Variants in PPARD observed in about 807,000 individuals in gnomAD.
The protein encoded by PPARD is peroxisome proliferator-activated receptor delta.
In PPARD, 6 loss-of-function variants were observed where a neutral mutation model predicts 39.5. The ratio of observed to expected loss-of-function variants is 0.15; its 90% confidence interval spans 0.08 to 0.30. PPARD has a LOEUF of 0.30. Ranked by LOEUF, PPARD falls within the 10% of genes least tolerant of loss-of-function variation. The probability of loss-of-function intolerance (pLI) is 1.00; values close to 1 mark genes in which losing one functional copy is unlikely to be tolerated. For synonymous variants in PPARD, 210 were observed against 231.3 expected (o/e 0.91, Z 0.83); for missense variants, 397 against 596.8 (o/e 0.67, Z 3.49).
At chr6:35,392,104 T>C (rs937879718) in intron 2 of PPARD, among the ~76,000 whole-genome samples, 7 of 151,966 alleles carry the variant, frequency 4.6e-5, no homozygotes, top group Non-Finnish European at 2.9e-5. Context: ...CCTGGGCCAA[T>C]TTGGGGAACC....
intron 1 of PPARD, among the ~76,000 whole-genome samples, chr6:35,344,729 G>A (rs1389849429): frequency 1.3e-5 from 2 of 152,080 alleles, no homozygotes; most frequent in Non-Finnish European, 2.9e-5. Flanking sequence ...GCAACCTTTA[G>A]GAGCTGCGGT....
chr6:35,392,025 A>T (rs754408309), intron 2 of PPARD, among the ~76,000 whole-genome samples: 1 of 151,964 alleles, frequency 6.6e-6, no homozygotes, highest in African/African-American at 2.4e-5. Flanking sequence ...ACCAAGCCTT[A>T]TAGGCCCTGA....
chr6:35,370,096 G>A (rs899916068), intron 2 of PPARD, among the ~76,000 whole-genome samples: 2 of 152,160 alleles, frequency 1.3e-5, no homozygotes, highest in African/African-American at 2.4e-5. Context: ...GGGTTAATTT[G>A]TACAGGAAGT....
chr6:35,425,774 G>A lies in PPARD; in HGVS notation c.1079-58G>A. The A allele has an allele frequency of 6.3e-7, 1 of 1,591,178 alleles. No individual in the cohort carries two copies. Among genetic ancestry groups the A allele is most frequent in the South Asian group, 1.1e-5 (1 of 88,300 alleles). On this transcript the variant is annotated intron_variant, in intron 7 of 7. Coordinates refer to ENST00000360694, the MANE Select transcript of PPARD (RefSeq NM_006238.5). The surrounding 1 kb of genome is among the most constrained non-coding windows in gnomAD (Gnocchi z 4.5). ...CTGGGCCAAGTCACCTCTTGGGGTG[G>A]AAGTAGGGGAGCTCCACTGCCTTTC... is the stretch of plus-strand genomic sequence containing the variant.
At chr6:35,392,962 C>T (rs570314248) in intron 2 of PPARD, among the ~76,000 whole-genome samples, 3 of 152,292 alleles carry the variant, frequency 2.0e-5, no homozygotes, top group Non-Finnish European at 4.4e-5. Flanking sequence ...AATGGTGCTC[C>T]TTGTCAAGGT....
At chr6:35,362,193 G>C (rs1406613217) in intron 2 of PPARD, among the ~76,000 whole-genome samples, 2 of 151,820 alleles carry the variant, frequency 1.3e-5, no homozygotes, top group African/African-American at 4.8e-5. Flanking sequence ...ATTTAGTTTT[G>C]TGACTTGCCT....
At chr6:35,404,764 C>T (rs1033104230) in intron 2 of PPARD, among the ~76,000 whole-genome samples, 14 of 152,218 alleles carry the variant, frequency 9.2e-5, no homozygotes, top group Admixed American at 6.5e-5. Context: ...GACCAGGTCT[C>T]TCTAGAGCTC....
chr6:35,371,520 T>C (rs534547789), intron 2 of PPARD, among the ~76,000 whole-genome samples: 1 of 152,314 alleles, frequency 6.6e-6, no homozygotes, highest in South Asian at 2.1e-4. Flanking sequence ...CTCTGCTCTT[T>C]GCATATCCCC....
At chr6:35,380,962 C>T (rs1049322957) in intron 2 of PPARD, among the ~76,000 whole-genome samples, 6 of 152,170 alleles carry the variant, frequency 3.9e-5, no homozygotes, top group African/African-American at 1.4e-4. Flanking sequence ...CTCCTCTCTC[C>T]ACCGCTCCAT....
At chr6:35,408,381 G>A (rs1188839030) in intron 2 of PPARD, among the ~76,000 whole-genome samples, 1 of 152,204 alleles carries the variant, frequency 6.6e-6, no homozygotes, top group African/African-American at 2.4e-5. Flanking sequence ...GACTCAGAAG[G>A]AAGGAGAATG....
chr6:35,344,538 G>T (rs1387242260), intron 1 of PPARD, among the ~76,000 whole-genome samples: 1 of 152,028 alleles, frequency 6.6e-6, no homozygotes, highest in Non-Finnish European at 1.5e-5. Flanking sequence ...GTTCTCTAAA[G>T]AAGTATTCAA....
chr6:35,420,782 C>T (rs913788324), intron 4 of PPARD, among the ~76,000 whole-genome samples: 36 of 145,070 alleles, frequency 2.5e-4, no homozygotes, highest in Admixed American at 6.2e-4. Context: ...TCAAGTTAGC[C>T]GTGAGACAAT....
chr6:35,377,982 G>T (rs1762913575), intron 2 of PPARD, among the ~76,000 whole-genome samples: 1 of 151,266 alleles, frequency 6.6e-6, no homozygotes, highest in South Asian at 2.1e-4. Context: ...TCTTGCCTCA[G>T]CCTCCCACGT....
chr6:35,387,705 T>C (rs1357521105), intron 2 of PPARD, among the ~76,000 whole-genome samples: 1 of 148,694 alleles, frequency 6.7e-6, no homozygotes, highest in Admixed American at 6.7e-5. Flanking sequence ...CATATACAGA[T>C]ACACTGCATT....
In PPARD at chr6:35,363,652, G is replaced by A. The variant is rs554963215; in HGVS notation, c.-102+16502G>A. ...AGGCCTTGCCCAAGAGTCAGAAAGT[G>A]GGAAGTCACGGGGGAGATGAAGGGC... On this transcript the variant is annotated intron_variant, in intron 2 of 7. Transcript: ENST00000360694. This position sits in a 1 kb window ranked among gnomAD's most constrained non-coding sequence, Gnocchi z 4.5. Among the ~76,000 whole-genome samples, 8 of 152,216 alleles carry A rather than the reference G, an allele frequency of 5.3e-5. No individual in the cohort carries two copies. In the East Asian group the frequency reaches 1.4e-3, roughly 26 times the overall value.
chr6:35,384,794 TCAGGCCCCGCC>T (rs1763484696), intron 2 of PPARD, among the ~76,000 whole-genome samples: 1 of 18,232 alleles, frequency 5.5e-5, no homozygotes, highest in African/African-American at 2.8e-4. Context: ...GGTGGGGGGG[TCAGGCCCCGCC>T]CGGCCAGCCG....
chr6:35,410,041 G>C (rs1765327011), intron 2 of PPARD, among the ~76,000 whole-genome samples: 1 of 152,164 alleles, frequency 6.6e-6, no homozygotes, highest in Non-Finnish European at 1.5e-5. Context: ...GGGTAGACAG[G>C]CAGGTGGGTT....
chr6:35,403,726 G>A (rs746854072), intron 2 of PPARD, among the ~76,000 whole-genome samples: 1 of 151,748 alleles, frequency 6.6e-6, no homozygotes, highest in African/African-American at 2.4e-5. Context: ...GAGGGCCCGG[G>A]TCAGGGTTGT....
intron 2 of PPARD, among the ~76,000 whole-genome samples, chr6:35,351,043 T>C (rs954988526): frequency 6.6e-6 from 1 of 152,228 alleles, no homozygotes; most frequent in African/African-American, 2.4e-5. Flanking sequence ...TTTTGTTTTT[T>C]GAGACGGAGT....
Sources: allele counts gnomAD v4.1 joint callset (sites outside exome capture counted in the v4.1 genomes callset), GRCh38; gene constraint gnomAD v4.1.1; non-coding constraint Gnocchi (gnomAD v3.1); transcripts MANE v1.5; gene names NCBI Gene and HGNC (gene_info 2026-07-23, HGNC 2026-07-21).